ROBO1: variants seen among roughly 807,000 people sequenced by gnomAD.
ROBO1 encodes the protein roundabout guidance receptor 1, also known as roundabout homolog 1.
Under a neutral mutation model 195.9 loss-of-function variants are expected in ROBO1, and 149 were observed. The observed-to-expected ratio is 0.76, with a 90% confidence interval of 0.67 to 0.87. ROBO1 has a LOEUF of 0.87. ROBO1 is among the 40% of genes least tolerant of loss of function. The pLI is 0.00. For synonymous variants in ROBO1, 816 were observed against 733.2 expected (o/e 1.11, Z -1.82); for missense variants, 1,933 against 2,068.3 (o/e 0.93, Z 1.27).
At chr3:79,128,314 G>A (rs2080255959) in intron 2 of ROBO1, among the ~76,000 whole-genome samples, 1 of 152,084 alleles carries the variant, frequency 6.6e-6, no homozygotes, top group Non-Finnish European at 1.5e-5. Context: ...GAGGTGCTGG[G>A]TTTTATGTGT....
chr3:79,418,464 A>C (rs1476873384), intron 2 of ROBO1, among the ~76,000 whole-genome samples: 2 of 152,076 alleles, frequency 1.3e-5, no homozygotes, highest in Non-Finnish European at 2.9e-5. Context: ...GATCAATGAA[A>C]AAATCTTCAG....
intron 2 of ROBO1, among the ~76,000 whole-genome samples, chr3:79,268,387 A>C (rs2030189097): frequency 6.6e-6 from 1 of 151,636 alleles, no homozygotes; most frequent in South Asian, 2.1e-4. Context: ...CAAAAGTAAA[A>C]ACATTTTCAT....
chr3:79,087,038 T>C (rs949772415), intron 3 of ROBO1, among the ~76,000 whole-genome samples: 1 of 152,006 alleles, frequency 6.6e-6, no homozygotes, highest in Admixed American at 6.6e-5. Flanking sequence ...GCTAGTGATG[T>C]TATTAAAAAT....
chr3:79,714,264 G>A (rs1321345901), intron 1 of ROBO1, among the ~76,000 whole-genome samples: 2 of 152,046 alleles, frequency 1.3e-5, no homozygotes, highest in Non-Finnish European at 2.9e-5. Context: ...ATCATCACTG[G>A]CCATCAGAGA....
At chr3:79,608,378 T>G (rs1944554450) in intron 1 of ROBO1, among the ~76,000 whole-genome samples, 1 of 151,994 alleles carries the variant, frequency 6.6e-6, no homozygotes, top group Non-Finnish European at 1.5e-5. Flanking sequence ...TCCTTTTGAG[T>G]TCTGTACTAT....
At chr3:78,866,317 G>GA (rs2035176395) in intron 4 of ROBO1, among the ~76,000 whole-genome samples, 2 of 152,160 alleles carry the variant, frequency 1.3e-5, no homozygotes, top group Non-Finnish European at 2.9e-5. Context: ...TTGTGTGAGT[G>GA]AAAAAATTCA....
intron 8 of ROBO1, among the ~76,000 whole-genome samples, chr3:78,711,360 TTCCTTCCTTCCTTCCTTC>T (rs2081706702): frequency 5.3e-5 from 2 of 38,088 alleles, no homozygotes; most frequent in Admixed American, 2.7e-4. Flanking sequence ...CCTTCCTTCC[TTCCTTCCTTCCTTCCTTC>T]CTTCCTTCCT....
intron 26 of ROBO1, among the ~76,000 whole-genome samples, chr3:78,624,998 A>T (rs1704675794): frequency 6.6e-6 from 1 of 152,192 alleles, no homozygotes; most frequent in African/African-American, 2.4e-5. Flanking sequence ...GAAAGTAAAT[A>T]AAGGGAAAAG....
chr3:79,404,638 G>C (rs2037480232), intron 2 of ROBO1, among the ~76,000 whole-genome samples: 1 of 152,134 alleles, frequency 6.6e-6, no homozygotes, highest in Non-Finnish European at 1.5e-5. Flanking sequence ...TCTGCCATCA[G>C]TTAAACCTGG....
intron 4 of ROBO1, among the ~76,000 whole-genome samples, chr3:78,891,149 G>A (rs1014020640): frequency 1.3e-5 from 2 of 152,134 alleles, no homozygotes; most frequent in Non-Finnish European, 2.9e-5. Flanking sequence ...TACAGTTTCA[G>A]TAAGGTCTGA....
At chr3:79,513,162 T>C (rs1457447615) in intron 2 of ROBO1, among the ~76,000 whole-genome samples, 1 of 152,068 alleles carries the variant, frequency 6.6e-6, no homozygotes, top group Non-Finnish European at 1.5e-5. Context: ...TTTAATGAAG[T>C]GTAGGAAGCC....
intron 4 of ROBO1, among the ~76,000 whole-genome samples, chr3:78,865,472 CTT>C (rs549086224): frequency 1.3e-4 from 17 of 126,844 alleles, no homozygotes; most frequent in Admixed American, 4.0e-4. Context: ...TTGATGAACG[CTT>C]TTTTTTTTTT....
At chr3:78,835,119 T>C (rs192046285) in intron 4 of ROBO1, among the ~76,000 whole-genome samples, 100 of 152,258 alleles carry the variant, frequency 6.6e-4, no homozygotes, top group African/African-American at 2.2e-3. Context: ...TGTCATCTAG[T>C]TTTTTCATTA....
chr3:79,453,127 A>G (rs1222075013), intron 2 of ROBO1, among the ~76,000 whole-genome samples: 1 of 151,962 alleles, frequency 6.6e-6, no homozygotes, highest in African/African-American at 2.4e-5. Flanking sequence ...CGGGCTCTAC[A>G]TCTGTGCCCA....
At chr3:79,115,072 G>T (rs576792660) in intron 3 of ROBO1, among the ~76,000 whole-genome samples, 79 of 152,188 alleles carry the variant, frequency 5.2e-4, no homozygotes, top group Non-Finnish European at 9.9e-4. Flanking sequence ...TGTGACTTGG[G>T]TCTAGGAATG....
At chr3:78,674,484 T>C (rs1708273852) in intron 10 of ROBO1, among the ~76,000 whole-genome samples, 1 of 152,190 alleles carries the variant, frequency 6.6e-6, no homozygotes, top group Admixed American at 6.5e-5. Context: ...GTTAAATTGT[T>C]TTCACAATAT....
intron 2 of ROBO1, among the ~76,000 whole-genome samples, chr3:79,383,406 A>T (rs997000915): frequency 2.0e-5 from 3 of 152,014 alleles, no homozygotes; most frequent in African/African-American, 7.2e-5. Flanking sequence ...TTGATCAACA[A>T]TTTTTTCTGA....
At chr3:78,775,124 G>T (rs2083471312) in intron 4 of ROBO1, among the ~76,000 whole-genome samples, 1 of 152,126 alleles carries the variant, frequency 6.6e-6, no homozygotes, top group African/African-American at 2.4e-5. Context: ...ATGTCAGTTT[G>T]TACCCATGAC....
chr3:78,702,211 A>G (rs548051586), intron 8 of ROBO1, among the ~76,000 whole-genome samples: 1 of 152,318 alleles, frequency 6.6e-6, no homozygotes, highest in South Asian at 2.1e-4. Context: ...CAAGAATTCT[A>G]TTCAGCCTAA....
Sources: gnomAD v4.1 joint callset for allele counts (sites outside exome capture counted in the v4.1 genomes callset) on GRCh38, gnomAD v4.1.1 for gene constraint, MANE v1.5 for transcripts, NCBI Gene and HGNC (gene_info 2026-07-23, HGNC 2026-07-21) for gene names.